NSMCE2: variants seen among roughly 807,000 people sequenced by gnomAD.
The protein encoded by NSMCE2 is NSE2 SUMO ligase component of SMC5/6 complex.
A neutral mutation model predicts 23.8 loss-of-function variants in NSMCE2; 24 were observed. That is an observed-to-expected ratio of 1.01 (90% CI 0.73 to 1.42). The LOEUF (loss-of-function observed/expected upper bound fraction) is 1.42, where lower values mean the gene tolerates loss of function less well. Among genes scored for constraint, NSMCE2 ranks in the 40% most tolerant of loss-of-function variants. The probability of loss-of-function intolerance (pLI) is 0.00; values close to 1 mark genes in which losing one functional copy is unlikely to be tolerated. For synonymous variants in NSMCE2, 92 were observed against 94.1 expected (o/e 0.98, Z 0.13); for missense variants, 284 against 296.5 (o/e 0.96, Z 0.31).
rs190014118 is a variant in NSMCE2, at chr8:125,097,437, G to T, written c.-110-4614G>T. ...CCCATTCCTTTGTACCTGTATGCCA[G>T]GCAAAGGGAACTCATCTCATCGTTT... On this transcript the variant is annotated intron_variant, in intron 1 of 7. Coordinates refer to ENST00000287437, the MANE Select transcript of NSMCE2 (RefSeq NM_173685.4). Among the ~76,000 whole-genome samples, 878 of 152,286 alleles carry T rather than the reference G, an allele frequency of 5.8e-3. 25 individuals are homozygous for T. The highest frequency in any genetic ancestry group is 0.033 in the Admixed American group (501 of 15,298).
At chr8:125,095,993 A>T (rs1317463911) in intron 1 of NSMCE2, among the ~76,000 whole-genome samples, 1 of 152,022 alleles carries the variant, frequency 6.6e-6, no homozygotes, top group African/African-American at 2.4e-5. Flanking sequence ...GGTAAACCCC[A>T]CAAGTCTAAA....
At chr8:125,122,704 C>T (rs947090163) in intron 3 of NSMCE2, among the ~76,000 whole-genome samples, 9 of 152,106 alleles carry the variant, frequency 5.9e-5, no homozygotes, top group African/African-American at 1.9e-4. Context: ...GTTGTACATT[C>T]GTCCATCTAA....
chr8:125,319,059 A>G (rs971978301), intron 5 of NSMCE2, among the ~76,000 whole-genome samples: 1 of 152,186 alleles, frequency 6.6e-6, no homozygotes, highest in Non-Finnish European at 1.5e-5. Context: ...TGGAACTCAC[A>G]CAGGGATGAG....
Position 125,237,472 on chromosome 8 carries a change from C to T in NSMCE2, c.418+55216C>T, listed in dbSNP as rs941714138. On this transcript the variant is annotated intron_variant, in intron 5 of 7. Coordinates refer to ENST00000287437, the MANE Select transcript of NSMCE2 (RefSeq NM_173685.4). ...AGATTGAGGCAAGCATTCAGTCCAC[C>T]TGGCAGATGTCTAACCCCTGTGGCA... Among the ~76,000 whole-genome samples the T allele has an allele frequency of 1.4e-4, 21 of 152,312 alleles. No homozygotes were observed. In the East Asian group the frequency reaches 2.5e-3, roughly 18 times the overall value.
At position 125,264,394 on chromosome 8, in the gene NSMCE2, G is replaced by A. The variant is rs182331348; in HGVS notation, c.418+82138G>A. On this transcript the variant is annotated intron_variant, in intron 5 of 7. Coordinates refer to ENST00000287437, the MANE Select transcript of NSMCE2 (RefSeq NM_173685.4). ...TCTCAGCAGCGCCTGTCCCAGGACA[G>A]GGCAGGCTGTTCTTGTTTTTTCCTT... 2.0e-5 allele frequency among the ~76,000 whole-genome samples: 3 copies of A among 152,270 alleles called. No homozygotes were observed. The East Asian group carries it at 5.8e-4, about 29-fold the overall frequency.
chr8:125,203,096 G>A (rs1261856573), intron 5 of NSMCE2, among the ~76,000 whole-genome samples: 1 of 151,918 alleles, frequency 6.6e-6, no homozygotes, highest in Non-Finnish European at 1.5e-5. Flanking sequence ...TACTCTGTGG[G>A]CCTTTAATAC....
chr8:125,189,188 C>T (rs1379512948), intron 5 of NSMCE2, among the ~76,000 whole-genome samples: 1 of 152,182 alleles, frequency 6.6e-6, no homozygotes, highest in African/African-American at 2.4e-5. Context: ...GCAATCTTTA[C>T]TTTCTGCAGA....
At chr8:125,114,324 C>T (rs768643216) in intron 3 of NSMCE2, among the ~76,000 whole-genome samples, 21 of 152,106 alleles carry the variant, frequency 1.4e-4, no homozygotes, top group Non-Finnish European at 2.6e-4. Flanking sequence ...TACCCTTACC[C>T]GCTGCTATTG....
chr8:125,187,477 T>C (rs921972018), intron 5 of NSMCE2, among the ~76,000 whole-genome samples: 1 of 152,214 alleles, frequency 6.6e-6, no homozygotes. Flanking sequence ...AATTTTCTCT[T>C]CTCCTTGCCT....
At chr8:125,280,998 G>GAAAAA (rs1827668727) in intron 5 of NSMCE2, among the ~76,000 whole-genome samples, 1 of 152,216 alleles carries the variant, frequency 6.6e-6, no homozygotes, top group Admixed American at 6.5e-5. Flanking sequence ...AGGTTTTCAG[G>GAAAAA]AAGAAAACTC....
chr8:125,141,153 C>T (rs1217232551), intron 3 of NSMCE2, among the ~76,000 whole-genome samples: 2 of 152,118 alleles, frequency 1.3e-5, no homozygotes, highest in Non-Finnish European at 2.9e-5. Flanking sequence ...ACCACTATCA[C>T]AGTCATTTAT....
intron 5 of NSMCE2, among the ~76,000 whole-genome samples, chr8:125,332,238 T>C (rs1400092951): frequency 6.6e-6 from 1 of 152,258 alleles, no homozygotes; most frequent in Non-Finnish European, 1.5e-5. Flanking sequence ...GAGAATTCTA[T>C]AAAGGGCATA....
chr8:125,331,794 G>A (rs1829889455), intron 5 of NSMCE2, among the ~76,000 whole-genome samples: 1 of 152,182 alleles, frequency 6.6e-6, no homozygotes, highest in Admixed American at 6.5e-5. Context: ...TCAGCGTATA[G>A]CATGGTCCAC....
At chr8:125,108,147 G>T (rs111285524) in intron 3 of NSMCE2, among the ~76,000 whole-genome samples, 1 of 152,206 alleles carries the variant, frequency 6.6e-6, no homozygotes, top group African/African-American at 2.4e-5. Flanking sequence ...CCCTGAAATG[G>T]CTCAGAAGAC....
chr8:125,238,476 A>G (rs1229860253), intron 5 of NSMCE2, among the ~76,000 whole-genome samples: 1 of 152,240 alleles, frequency 6.6e-6, no homozygotes, highest in African/African-American at 2.4e-5. Flanking sequence ...AACAGGGCAA[A>G]TCCATTATAA....
chr8:125,093,249 C>T (rs1316507312), intron 1 of NSMCE2, among the ~76,000 whole-genome samples: 1 of 152,210 alleles, frequency 6.6e-6, no homozygotes, highest in African/African-American at 2.4e-5. Flanking sequence ...GGGCACTAAT[C>T]TTATTCATGA....
intron 5 of NSMCE2, among the ~76,000 whole-genome samples, chr8:125,194,238 A>G (rs563727957): frequency 6.6e-6 from 1 of 152,246 alleles, no homozygotes; most frequent in African/African-American, 2.4e-5. Context: ...CTCCTGTGCC[A>G]CTTTGTAGTT....
intron 5 of NSMCE2, among the ~76,000 whole-genome samples, chr8:125,264,703 C>T (rs1826843196): frequency 6.6e-6 from 1 of 152,016 alleles, no homozygotes; most frequent in South Asian, 2.1e-4. Context: ...CTGAAAGACC[C>T]AGAGAAAATT....
chr8:125,187,773 C>CA (rs1309488633), intron 5 of NSMCE2, among the ~76,000 whole-genome samples: 1 of 151,928 alleles, frequency 6.6e-6, no homozygotes, highest in Non-Finnish European at 1.5e-5. Context: ...GCTTTATGTT[C>CA]AAAAACAGAA....
Sources: gnomAD v4.1 joint callset for allele counts (sites outside exome capture counted in the v4.1 genomes callset) on GRCh38, gnomAD v4.1.1 for gene constraint, MANE v1.5 for transcripts, NCBI Gene and HGNC (gene_info 2026-07-23, HGNC 2026-07-21) for gene names.